The following ARL5A variants were observed in gnomAD, a reference collection of about 807,000 sequenced individuals.
ARL5A encodes the protein ARF like GTPase 5A.
A neutral mutation model predicts 25.9 loss-of-function variants in ARL5A; 18 were observed. The observed-to-expected ratio is 0.69, with a 90% CI of 0.48 to 1.03. The LOEUF (loss-of-function observed/expected upper bound fraction) is 1.03. ARL5A is among the 50% of genes least tolerant of loss of function. ARL5A has a pLI of 0.00. For missense variants in ARL5A, 170 were observed against 211.9 expected, an observed-to-expected ratio of 0.80 and a Z score of 1.23; for synonymous variants, 61 against 67.5, an observed-to-expected ratio of 0.90 and a Z score of 0.47.
intron 1 of ARL5A, among the ~76,000 whole-genome samples, chr2:151,820,006 C>A (rs1172469977): frequency 1.3e-5 from 2 of 152,130 alleles, no homozygotes; most frequent in African/African-American, 4.8e-5. Flanking sequence ...AATTCTTTAT[C>A]ATACCTGGCC....
chr2:151,822,843 T>C (rs1487472407), intron 1 of ARL5A, among the ~76,000 whole-genome samples: 1 of 152,226 alleles, frequency 6.6e-6, no homozygotes, highest in Non-Finnish European at 1.5e-5. Context: ...ATCAATACTT[T>C]ACTGTTTTGT....
rs2099829643 is a variant in ARL5A, at chr2:151,803,068, T to A, written c.*208A>T. 1 of 520,428 alleles carries A rather than the reference T, an allele frequency of 1.9e-6. No individual in the cohort carries two copies. Among genetic ancestry groups the A allele is most frequent in the East Asian group, 3.3e-5 (1 of 29,942 alleles). 32.2% of individuals were successfully genotyped at this position (520,428 alleles called of 1,614,324 possible). On this transcript the variant is annotated 3_prime_UTR_variant, in exon 6 of 6. Transcript: ENST00000295087. ...AGAAAAATGTCAATCACAGCTTCAA[T>A]AACTTACTTTGGAAAAAACTAATGA...
chr2:151,825,055 TA>T (rs377424689), intron 1 of ARL5A, among the ~76,000 whole-genome samples: 3 of 152,338 alleles, frequency 2.0e-5, no homozygotes, highest in African/African-American at 7.2e-5. Context: ...CAAAGTGAGT[TA>T]ATTTCCTGTC....
rs1169349266 is a variant in ARL5A at position 151,828,144 on chromosome 2, C to G, written c.33G>C (p.Leu11=). 3.1e-6 allele frequency: 5 copies of G among 1,610,518 alleles called. No homozygotes were observed. In the Admixed American group the frequency reaches 8.4e-5, roughly 27 times the overall value. The part of the protein sequence containing the change: MGILFTRIWR[L]FNHQEHKVII... ...CGAGCTCCTCACCCTGGTGATTGAA[C>G]AGTCTCCATATTCTAGTGAAGAGAA... is the stretch of plus-strand genomic sequence containing the variant. Residue 11 remains leucine (L), a synonymous_variant, in exon 1 of 6, where the codon CTG becomes CTC. Coordinates refer to ENST00000295087, the MANE Select transcript of ARL5A (RefSeq NM_012097.4).
At position 151,826,257 on chromosome 2, in the gene ARL5A, A is replaced by G. The variant is rs572171667; in HGVS notation, c.46+1874T>C. Among the ~76,000 whole-genome samples, 5 of 152,376 alleles carry G rather than the reference A, an allele frequency of 3.3e-5. No individual in the cohort carries two copies. In the East Asian group the frequency reaches 9.6e-4, roughly 29 times the overall value. ...TAAATAATTTATTCACACTTTCACAATATTCATATCTAATTTTCTAGAACT... is the reference window on the plus strand; with the variant it reads ...TAAATAATTTATTCACACTTTCACAGTATTCATATCTAATTTTCTAGAACT... On this transcript the variant is annotated intron_variant, in intron 1 of 5. Coordinates refer to ENST00000295087, the MANE Select transcript of ARL5A (RefSeq NM_012097.4).
At chr2:151,819,720 T>C (rs529303096) in intron 1 of ARL5A, among the ~76,000 whole-genome samples, 2 of 151,804 alleles carry the variant, frequency 1.3e-5, no homozygotes, top group East Asian at 3.9e-4. Flanking sequence ...CTAACAGTTC[T>C]GTTAGGAAAA....
At chr2:151,824,562 C>T (rs1480391460) in intron 1 of ARL5A, among the ~76,000 whole-genome samples, 1 of 152,184 alleles carries the variant, frequency 6.6e-6, no homozygotes, top group Non-Finnish European at 1.5e-5. Flanking sequence ...TCCTGAAGCA[C>T]AGGCAGCTTC....
rs2099829572 is a variant in ARL5A, at chr2:151,802,577, T to TA, written c.*698dup. The TA allele has an allele frequency of 6.6e-6, 1 of 152,156 alleles. No homozygotes were observed. The highest frequency in any genetic ancestry group is 1.5e-5 in the Non-Finnish European group (1 of 67,922). 9.4% of individuals were successfully genotyped at this position (152,156 alleles called of 1,614,324 possible). A position where few individuals can be genotyped will look rare whatever the true frequency, so the allele number is the denominator to read the frequency against. Reference sequence around the variant, plus strand: ...ATTTTGGTCAACAACAAAAAATCGATACACAATGTCATGCTTTTTCCTTTT... The same window carrying TA: ...ATTTTGGTCAACAACAAAAAATCGATAACACAATGTCATGCTTTTTCCTTTT... On this transcript the variant is annotated 3_prime_UTR_variant, in exon 6 of 6. Coordinates refer to ENST00000295087, the MANE Select transcript of ARL5A (RefSeq NM_012097.4).
At chr2:151,810,723 A>T (rs2099830729) in intron 4 of ARL5A, among the ~76,000 whole-genome samples, 1 of 152,168 alleles carries the variant, frequency 6.6e-6, no homozygotes, top group Admixed American at 6.5e-5. Context: ...AAAATCAAAG[A>T]CTTTGAACCC....
At chr2:151,806,764 A>G (rs145190136) in intron 5 of ARL5A, 57 bp downstream of exon 5, 13 of 1,526,606 alleles carry the variant, frequency 8.5e-6, no homozygotes, top group African/African-American at 2.8e-5. Context: ...TAAAGAAGAT[A>G]TACATGTTAC....
At position 151,800,976 on chromosome 2, in the gene ARL5A, A is replaced by G. The variant is rs2099829341; in HGVS notation, c.*2300T>C. On this transcript the variant is annotated 3_prime_UTR_variant, in exon 6 of 6. Transcript: ENST00000295087. ...CACTTAAACTACATAAAAATTGCCA[A>G]TATGACTTTTCACCAGCTTCTCCAT... 1 of 152,612 alleles carries G rather than the reference A, an allele frequency of 6.6e-6. No individual in the cohort carries two copies. The highest frequency in any genetic ancestry group is 2.4e-5 in the African/African-American group (1 of 41,452). The allele number at this position is 152,612 out of a possible 1,614,324, so 9.5% of individuals were successfully genotyped here.
intron 1 of ARL5A, among the ~76,000 whole-genome samples, chr2:151,827,049 T>C (rs2099833158): frequency 6.6e-6 from 1 of 152,128 alleles, no homozygotes; most frequent in African/African-American, 2.4e-5. Flanking sequence ...TAGTAGTAGG[T>C]GTACATAATA....
chr2:151,814,242 C>A lies in ARL5A; in HGVS notation c.182G>T (p.Arg61Leu). ...GCCACCAATATCCCACATTAGGAAACGTGTATTATTAATCACTATCTCTTC... is the reference window on the plus strand; with the variant it reads ...GCCACCAATATCCCACATTAGGAAAAGTGTATTATTAATCACTATCTCTTC... ...NVEEIVINNT[R>L]FLMWDIGGQE... is the part of the protein sequence containing the mutation. Residue 61 changes from arginine (R) to leucine (L), a missense_variant, in exon 3 of 6, where the codon CGT (arginine) becomes CTT (leucine). Transcript: ENST00000295087. 2 of 1,606,670 alleles carry A rather than the reference C, an allele frequency of 1.2e-6. No individual in the cohort carries two copies. The highest frequency in any genetic ancestry group is 1.7e-6 in the Non-Finnish European group (2 of 1,176,908).
At chr2:151,827,144 C>T (rs899996389) in intron 1 of ARL5A, among the ~76,000 whole-genome samples, 1 of 152,180 alleles carries the variant, frequency 6.6e-6, no homozygotes, top group Non-Finnish European at 1.5e-5. Context: ...AAACTAAGTT[C>T]CTGACAGCGG....
Position 151,828,321 on chromosome 2 carries a change from G to A in ARL5A, c.-145C>T, listed in dbSNP as rs1047388127. 1.9e-5 allele frequency: 13 copies of A among 687,092 alleles called. No homozygotes were observed. Among genetic ancestry groups the A allele is most frequent in the Non-Finnish European group, 1.6e-5 (7 of 434,850 alleles). The allele number at this position is 687,092 out of a possible 1,614,324, so 42.6% of individuals were successfully genotyped here. A position where few individuals can be genotyped will look rare whatever the true frequency, so the allele number is the denominator to read the frequency against. ...GTCGCGGGCCCGCTTCCAGGGAACC[G>A]GAGGGAGGCCGAAGCCCAGGCCGCC... On this transcript the variant is annotated 5_prime_UTR_variant, in exon 1 of 6. Transcript: ENST00000295087.
chr2:151,828,393 C>T lies in ARL5A; in HGVS notation c.-217G>A. 1 of 409,354 alleles carries T rather than the reference C, an allele frequency of 2.4e-6. No individual in the cohort carries two copies. Among genetic ancestry groups the T allele is most frequent in the Admixed American group, 4.6e-5 (1 of 21,570 alleles). 25.4% of individuals were successfully genotyped at this position (409,354 alleles called of 1,614,324 possible). ...CGCTGCCGCCGCGGCACTCGCCTGG[C>T]TCGCGGACATCGCCGCCGCGTTGTC... On this transcript the variant is annotated 5_prime_UTR_variant, in exon 1 of 6. Transcript: ENST00000295087.
chr2:151,815,205 A>G lies in ARL5A; in HGVS notation c.47-6T>C, dbSNP rs1258087346. On this transcript the variant is annotated splice_region_variant and splice_polypyrimidine_tract_variant and intron_variant, in intron 1 of 5. Coordinates refer to ENST00000295087, the MANE Select transcript of ARL5A (RefSeq NM_012097.4). ...AACAATGATAACTTTGTGCTCTGAA[A>G]TAGAGAAAACACCAGTGATTTTTTT... 32 of 1,596,492 alleles carry G rather than the reference A, an allele frequency of 2.0e-5. No individual in the cohort carries two copies. The highest frequency in any genetic ancestry group is 2.6e-5 in the Non-Finnish European group (31 of 1,173,830).
chr2:151,827,075 G>C (rs1259630476), intron 1 of ARL5A, among the ~76,000 whole-genome samples: 5 of 152,148 alleles, frequency 3.3e-5, no homozygotes, highest in Non-Finnish European at 7.3e-5. Flanking sequence ...CACCATTCAC[G>C]TAAGTCTTTA....
At chr2:151,804,458 T>G (rs1413716323) in intron 5 of ARL5A, among the ~76,000 whole-genome samples, 1 of 152,192 alleles carries the variant, frequency 6.6e-6, no homozygotes, top group Non-Finnish European at 1.5e-5. Context: ...AGAGTTTTGT[T>G]AAGTATGAGT....
Sources: gnomAD v4.1 joint callset for allele counts (sites outside exome capture counted in the v4.1 genomes callset) on GRCh38, gnomAD v4.1.1 for gene constraint, MANE v1.5 for transcripts, NCBI Gene and HGNC (gene_info 2026-07-23, HGNC 2026-07-21) for gene names.